Variants in REPS2 observed in about 807,000 individuals in gnomAD.
REPS2 encodes the protein ralBP1-associated Eps domain-containing protein 2.
In REPS2, 23 loss-of-function variants were observed where a neutral mutation model predicts 53.6. The observed-to-expected ratio is 0.43, with a 90% CI of 0.31 to 0.61. The LOEUF (loss-of-function observed/expected upper bound fraction) is 0.61. Ranked by LOEUF, REPS2 falls within the 20% of genes least tolerant of loss-of-function variation. The pLI is 0.11. For missense variants in REPS2, 446 were observed against 534.9 expected, an observed-to-expected ratio of 0.83 and a Z score of 1.64; for synonymous variants, 238 against 218.6, an observed-to-expected ratio of 1.09 and a Z score of -0.78.
chrX:17,091,296 C>T (rs111413966), intron 13 of REPS2, among the ~76,000 whole-genome samples: 2,776 of 111,795 alleles, frequency 0.025, 89 homozygotes, highest in African/African-American at 0.087. Context: ...TGCAGTACTT[C>T]TTTGCTTTGA....
the REPS2 span, among the ~76,000 whole-genome samples, chrX:17,161,490 A>G: frequency 3.6e-5 from 4 of 111,603 alleles, no homozygotes; most frequent in African/African-American, 1.3e-4. Context: ...GCTAGCAACA[A>G]GTGAGGAGAC....
chrX:16,969,592 G>A (rs905010998), intron 1 of REPS2, among the ~76,000 whole-genome samples: 2 of 110,554 alleles, frequency 1.8e-5, no homozygotes, highest in African/African-American at 6.6e-5. Context: ...CAGGCGTGGC[G>A]GCGCGCGCCT....
At chrX:16,973,788 T>A (rs1370307832) in intron 1 of REPS2, among the ~76,000 whole-genome samples, 1 of 109,434 alleles carries the variant, frequency 9.1e-6, no homozygotes, top group African/African-American at 3.4e-5. Context: ...TATATGTATT[T>A]TATATATATT....
intron 14 of REPS2, among the ~76,000 whole-genome samples, chrX:17,125,579 T>C (rs2063198367): frequency 8.9e-6 from 1 of 112,708 alleles, no homozygotes; most frequent in South Asian, 3.6e-4. Flanking sequence ...ATTATCCTGC[T>C]CTGGTTATAT....
rs561971875 is a variant in REPS2, at chrX:16,963,771, G to A, written c.273+16637G>A. On this transcript the variant is annotated intron_variant, in intron 1 of 17. Transcript: ENST00000357277. ...TAATTTTCCCATTCTTGAACACATCGTTCTTCCTAAGCACCTCGTACTTAT... is the reference window on the plus strand; with the variant it reads ...TAATTTTCCCATTCTTGAACACATCATTCTTCCTAAGCACCTCGTACTTAT... Among the ~76,000 whole-genome samples the A allele has an allele frequency of 1.3e-4, 14 of 111,242 alleles. No individual in the cohort carries two copies. The South Asian group carries it at 4.9e-3, about 39-fold the overall frequency.
At chrX:17,070,837 C>T (rs1334260020) in intron 11 of REPS2, among the ~76,000 whole-genome samples, 1 of 108,262 alleles carries the variant, frequency 9.2e-6, no homozygotes, top group Non-Finnish European at 1.9e-5. Context: ...CAAGTTCATT[C>T]AGAGTTTCAA....
intron 4 of REPS2, among the ~76,000 whole-genome samples, chrX:17,027,809 G>T (rs1219203743): frequency 9.1e-6 from 1 of 110,144 alleles, no homozygotes; most frequent in African/African-American, 3.3e-5. Flanking sequence ...AAAGAGAGTT[G>T]AGTAATAGCT....
At chrX:17,073,887 A>G (rs770565370) in intron 11 of REPS2, among the ~76,000 whole-genome samples, 200 of 108,690 alleles carry the variant, frequency 1.8e-3, no homozygotes, top group African/African-American at 5.7e-3. Flanking sequence ...GGCCTCTCAA[A>G]TAGTGCTTGA....
At chrX:17,142,611 A>T (rs759503586) in intron 17 of REPS2, among the ~76,000 whole-genome samples, 2 of 112,361 alleles carry the variant, frequency 1.8e-5, no homozygotes, top group Non-Finnish European at 3.8e-5. Flanking sequence ...GAAGATATTC[A>T]ACATCATTAG....
chrX:17,034,336 G>T (rs1254620844), intron 5 of REPS2, among the ~76,000 whole-genome samples: 2 of 111,123 alleles, frequency 1.8e-5, no homozygotes, highest in African/African-American at 6.5e-5. Flanking sequence ...TGCTCTTGTT[G>T]CCCAGGCTGG....
chrX:17,027,876 T>C (rs760287448), intron 4 of REPS2, among the ~76,000 whole-genome samples: 5 of 110,845 alleles, frequency 4.5e-5, no homozygotes, highest in Admixed American at 3.9e-4. Flanking sequence ...AGTCAGACAA[T>C]TGATGGCCTG....
At chrX:17,101,329 T>C (rs1217366839) in intron 13 of REPS2, among the ~76,000 whole-genome samples, 2 of 111,079 alleles carry the variant, frequency 1.8e-5, no homozygotes, top group Non-Finnish European at 1.9e-5. Context: ...CCCAAAGTGC[T>C]GGGATTACAA....
At chrX:17,048,798 G>A (rs2061941866) in intron 6 of REPS2, among the ~76,000 whole-genome samples, 4 of 112,828 alleles carry the variant, frequency 3.5e-5, no homozygotes, top group East Asian at 5.5e-4. Context: ...GCTACCAGTC[G>A]TATAAAAGCC....
chrX:17,051,155 C>T, intron 6 of REPS2, among the ~76,000 whole-genome samples: 1 of 111,198 alleles, frequency 9.0e-6, no homozygotes, highest in Non-Finnish European at 1.9e-5. Context: ...ATAATGATCT[C>T]CAGTTCCATC....
chrX:17,050,878 T>C (rs1325785365), intron 6 of REPS2, among the ~76,000 whole-genome samples: 2 of 111,685 alleles, frequency 1.8e-5, no homozygotes, highest in Non-Finnish European at 3.8e-5. Flanking sequence ...TTCTTTAAGT[T>C]ATTTAAAATA....
chrX:17,066,626 C>G (rs1331492101), intron 9 of REPS2, among the ~76,000 whole-genome samples: 1 of 112,270 alleles, frequency 8.9e-6, no homozygotes, highest in East Asian at 2.8e-4. Context: ...TAAATCCCAG[C>G]ACTATGTGAG....
chrX:17,025,540 A>G (rs754711069), intron 4 of REPS2, among the ~76,000 whole-genome samples: 1 of 112,057 alleles, frequency 8.9e-6, no homozygotes, highest in East Asian at 2.8e-4. Context: ...AAAGATATTT[A>G]TATAGTAACT....
intron 6 of REPS2, among the ~76,000 whole-genome samples, chrX:17,050,584 T>C (rs922511788): frequency 2.7e-5 from 3 of 111,630 alleles, no homozygotes; most frequent in Non-Finnish European, 3.8e-5. Flanking sequence ...CCCTGTGCTG[T>C]TCGCACAATG....
chrX:17,077,614 A>T (rs1419259133), intron 13 of REPS2, among the ~76,000 whole-genome samples: 2 of 112,177 alleles, frequency 1.8e-5, no homozygotes, highest in Non-Finnish European at 3.8e-5. Flanking sequence ...CCTTGCCCAC[A>T]CTTGTTATGG....
Sources: allele counts gnomAD v4.1 joint callset (sites outside exome capture counted in the v4.1 genomes callset), GRCh38; gene constraint gnomAD v4.1.1; transcripts MANE v1.5; gene names NCBI Gene and HGNC (gene_info 2026-07-23, HGNC 2026-07-21).